Variants in MYO5C observed in about 807,000 individuals in gnomAD.
The protein encoded by MYO5C is unconventional myosin-Vc.
MYO5C carries 194 observed loss-of-function variants against 235.7 expected under a neutral mutation model. The ratio of observed to expected loss-of-function variants is 0.82; its 90% CI spans 0.73 to 0.93. MYO5C has a LOEUF of 0.93. Ranked by LOEUF, MYO5C falls within the 40% of genes least tolerant of loss-of-function variation. MYO5C has a pLI of 0.00. For missense variants in MYO5C, 2,038 were observed against 2,127.2 expected (o/e 0.96, Z 0.82); for synonymous variants, 707 against 754.8 (o/e 0.94, Z 1.04).
Position 52,253,316 on chromosome 15 carries a change from CCAAA to C in MYO5C, c.1533_1536del (p.Leu512TyrfsTer43). 6.2e-7 allele frequency: 1 copy of C among 1,602,678 alleles called. No individual in the cohort carries two copies. Among genetic ancestry groups the C allele is most frequent in the Non-Finnish European group, 8.5e-7 (1 of 1,176,158 alleles). ...AAAAAACAATTATTCTTAAAAGTTA[CCAAA>C]CATTCTTCATCCAGTAACTCCAGAA... On this transcript the variant is annotated frameshift_variant and splice_region_variant, in exon 12 of 41. Transcript: ENST00000261839. LOFTEE classifies it high-confidence loss of function.
chr15:52,198,501 T>C (rs989530986), intron 38 of MYO5C, among the ~76,000 whole-genome samples: 2 of 152,230 alleles, frequency 1.3e-5, no homozygotes. Context: ...TCCCTCATTT[T>C]TGCATTGCTA....
intron 37 of MYO5C, 88 bp downstream of exon 37, chr15:52,205,728 A>G: frequency 1.3e-6 from 1 of 760,476 alleles, no homozygotes; most frequent in Non-Finnish European, 2.0e-6. Flanking sequence ...AATGTTACAC[A>G]TAATCACACA....
intron 10 of MYO5C, 94 bp from the exon 11 acceptor site, chr15:52,256,814 T>C: frequency 1.1e-6 from 1 of 912,780 alleles, no homozygotes; most frequent in Non-Finnish European, 1.7e-6. Context: ...GCTTAAACGT[T>C]TGCTATGTCT....
At chr15:52,269,519 A>T (rs2036875923) in intron 8 of MYO5C, among the ~76,000 whole-genome samples, 1 of 149,264 alleles carries the variant, frequency 6.7e-6, no homozygotes, top group Non-Finnish European at 1.5e-5. Flanking sequence ...CAGCCTCCTG[A>T]GTAGCTGGGA....
At chr15:52,239,978 T>G in intron 20 of MYO5C, 99 bp from the exon 21 acceptor site, 1 of 1,311,222 alleles carries the variant, frequency 7.6e-7, no homozygotes, top group South Asian at 1.5e-5. Context: ...GTGTAGAAAA[T>G]GAGTTTCTTC....
At chr15:52,294,808 G>A (rs1358571420) in intron 1 of MYO5C, among the ~76,000 whole-genome samples, 2 of 152,206 alleles carry the variant, frequency 1.3e-5, no homozygotes, top group Non-Finnish European at 2.9e-5. Flanking sequence ...GTAAGAGGTG[G>A]AGCCCCAGCC....
In MYO5C at chr15:52,295,666, C is replaced by G; in HGVS notation, c.-30G>C. 1 of 1,406,270 alleles carries G rather than the reference C, an allele frequency of 7.1e-7. No individual in the cohort carries two copies. Among genetic ancestry groups the G allele is most frequent in the Non-Finnish European group, 9.3e-7 (1 of 1,080,098 alleles). 87.1% of individuals were successfully genotyped at this position (1,406,270 alleles called of 1,614,324 possible). A position where few individuals can be genotyped will look rare whatever the true frequency, so the allele number is the denominator to read the frequency against. On this transcript the variant is annotated 5_prime_UTR_variant, in exon 1 of 41. Coordinates refer to ENST00000261839, the MANE Select transcript of MYO5C (RefSeq NM_018728.4). The stretch of plus-strand genomic sequence containing the variant: ...AGGAGGGGCCGGGGCCAGGCCGGGG[C>G]TGCCGAACGTGCGAGGCTCGGGGGC...
Position 52,193,515 on chromosome 15 carries a change from T to A in MYO5C, c.*387A>T, listed in dbSNP as rs1328877994. 1 of 163,142 alleles carries A rather than the reference T, an allele frequency of 6.1e-6. No homozygotes were observed. The highest frequency in any genetic ancestry group is 1.9e-4 in the East Asian group (1 of 5,366). The allele number at this position is 163,142 out of a possible 1,614,324, so 10.1% of individuals were successfully genotyped here. A position where few individuals can be genotyped will look rare whatever the true frequency, so the allele number is the denominator to read the frequency against. On this transcript the variant is annotated 3_prime_UTR_variant, in exon 41 of 41. Coordinates refer to ENST00000261839, the MANE Select transcript of MYO5C (RefSeq NM_018728.4). ...GAATCCACTTGCAGCTTTGTAAATGTACTCAGGTTTCACATGAACCTTAGA... is the reference window on the plus strand; with the variant it reads ...GAATCCACTTGCAGCTTTGTAAATGAACTCAGGTTTCACATGAACCTTAGA...
chr15:52,208,640 G>A lies in MYO5C; in HGVS notation c.4300C>T (p.His1434Tyr). The change falls in exon 36 of 41, where the codon CAT becomes TAT. Residue 1434 changes from histidine (H) to tyrosine (Y), a missense_variant. By Grantham distance (83) the His-to-Tyr change is moderately conservative (BLOSUM62 2). Transcript: ENST00000261839. ...GACAGCATTTCAAAGTCTTCTAAAT[G>A]TTCCTTAGGAAAATAAGAAAAGACA... ...INGIKQVVKE[H>Y]LEDFEMLSFW... The A allele has an allele frequency of 6.2e-7, 1 of 1,613,624 alleles. No individual in the cohort carries two copies.
chr15:52,263,437 A>T (rs1389744300), intron 9 of MYO5C, among the ~76,000 whole-genome samples: 1 of 152,324 alleles, frequency 6.6e-6, no homozygotes, highest in Non-Finnish European at 1.5e-5. Context: ...CCAGGAAGCC[A>T]GCACCACTGA....
At chr15:52,261,655 C>G (rs372705257) in intron 9 of MYO5C, among the ~76,000 whole-genome samples, 1 of 152,186 alleles carries the variant, frequency 6.6e-6, no homozygotes, top group Non-Finnish European at 1.5e-5. Flanking sequence ...TCAGCTGACA[C>G]GAGGGCTGGG....
Position 52,208,591 on chromosome 15 carries a change from T to A in MYO5C, c.4349A>T (p.His1450Leu), listed in dbSNP as rs2035375367. Residue 1450 changes from histidine (H) to leucine (L), a missense_variant, in exon 36 of 41, where the codon CAT becomes CTT. Coordinates refer to ENST00000261839, the MANE Select transcript of MYO5C (RefSeq NM_018728.4). ...MLSFWLSNTC[H>L]FLNCLKQYSG... is the part of the protein sequence containing the mutation. Reference sequence around the variant, plus strand: ...GTACTGCTTCAGGCAATTGAGAAAATGACAAGTGTTGGAAAGCCAAAAGGA... The same window carrying A: ...GTACTGCTTCAGGCAATTGAGAAAAAGACAAGTGTTGGAAAGCCAAAAGGA... 6.2e-7 allele frequency: 1 copy of A among 1,613,984 alleles called. No individual in the cohort carries two copies. Among genetic ancestry groups the A allele is most frequent in the South Asian group, 1.1e-5 (1 of 91,078 alleles).
intron 38 of MYO5C, among the ~76,000 whole-genome samples, chr15:52,196,715 C>T (rs1305460463): frequency 6.6e-6 from 1 of 152,144 alleles, no homozygotes; most frequent in Non-Finnish European, 1.5e-5. Flanking sequence ...TGGGGAAAAT[C>T]TGAGCAAAGA....
chr15:52,240,296 C>A (rs1436110835), intron 20 of MYO5C, among the ~76,000 whole-genome samples: 1 of 151,840 alleles, frequency 6.6e-6, no homozygotes, highest in Non-Finnish European at 1.5e-5. Flanking sequence ...TAGGGCCAGG[C>A]CTATGGCTCA....
Position 52,218,563 on chromosome 15 carries a change from A to G in MYO5C, c.3910T>C (p.Cys1304Arg), listed in dbSNP as rs555264878. The change falls in exon 32 of 41, where the codon TGT (cysteine) becomes CGT (arginine). Residue 1304 changes from cysteine to arginine, a missense_variant. Physicochemically the swap from Cys to Arg is radical, Grantham distance 180 (BLOSUM62 -3). Coordinates refer to ENST00000261839, the MANE Select transcript of MYO5C (RefSeq NM_018728.4). ...KQFETESEVKCNFRQEASRLT... is the reference protein window; with the variant it reads ...KQFETESEVKRNFRQEASRLT... ...CGGGATGCTTCCTGCCGGAAGTTACACTTGACTTCACTTTCAGTTTCAAAT... is the reference window on the plus strand; with the variant it reads ...CGGGATGCTTCCTGCCGGAAGTTACGCTTGACTTCACTTTCAGTTTCAAAT... The G allele has an allele frequency of 2.5e-6, 4 of 1,614,114 alleles. No individual in the cohort carries two copies. Among genetic ancestry groups the G allele is most frequent in the African/African-American group, 2.7e-5 (2 of 74,936 alleles).
chr15:52,229,062 T>C, intron 25 of MYO5C, 71 bp downstream of exon 25: 1 of 1,578,664 alleles, frequency 6.3e-7, no homozygotes, highest in East Asian at 2.2e-5. Flanking sequence ...AGCTGTCTAA[T>C]CTGTGGGAAC....
chr15:52,204,755 A>G, intron 38 of MYO5C, 110 bp downstream of exon 38: 3 of 1,329,844 alleles, frequency 2.3e-6, no homozygotes, highest in Admixed American at 4.7e-5. Flanking sequence ...AGTAGGGCCT[A>G]AACAGGGGTT....
chr15:52,268,746 T>C lies in MYO5C; in HGVS notation c.940+1007A>G, dbSNP rs143867798. ...TGTGGGAAAAGTAAGGCGAGAAGGA[T>C]TGGGAACAACTGGCTGTGCTGTGAC... On this transcript the variant is annotated intron_variant, in intron 8 of 40. Coordinates refer to ENST00000261839, the MANE Select transcript of MYO5C (RefSeq NM_018728.4). 3.7e-4 allele frequency among the ~76,000 whole-genome samples: 56 copies of C among 152,236 alleles called. No homozygotes were observed. In the Middle Eastern group the frequency reaches 0.024, roughly 65 times the overall value.
chr15:52,275,196 T>A lies in MYO5C; in HGVS notation c.606+366A>T, dbSNP rs149502105. Among the ~76,000 whole-genome samples the A allele has an allele frequency of 1.6e-3, 243 of 152,376 alleles. No homozygotes were observed. In the South Asian group the frequency reaches 0.018, roughly 11 times the overall value. ...ACTACCAAAGGTTTATCAATCAGCT[T>A]GCAAAATTCCTGAATATTTTAACAA... is the stretch of plus-strand genomic sequence containing the variant. On this transcript the variant is annotated intron_variant, in intron 5 of 40. Coordinates refer to ENST00000261839, the MANE Select transcript of MYO5C (RefSeq NM_018728.4).
Sources: allele counts gnomAD v4.1 joint callset (sites outside exome capture counted in the v4.1 genomes callset), GRCh38; gene constraint gnomAD v4.1.1; transcripts MANE v1.5; gene names NCBI Gene and HGNC (gene_info 2026-07-23, HGNC 2026-07-21).